The following PPARD variants were observed in gnomAD, a reference collection of about 807,000 sequenced individuals.
PPARD encodes the protein peroxisome proliferator activated receptor delta, also known as peroxisome proliferator-activated receptor delta.
Under a neutral mutation model 39.5 loss-of-function variants are expected in PPARD, and 6 were observed. That is an observed-to-expected ratio of 0.15 (90% CI 0.08 to 0.30). The LOEUF (loss-of-function observed/expected upper bound fraction) is 0.30. Among genes scored for constraint, PPARD ranks in the 10% least tolerant of loss-of-function variants. The pLI is 1.00. For missense variants in PPARD, 397 were observed against 596.8 expected, an observed-to-expected ratio of 0.67 and a Z score of 3.49; for synonymous variants, 210 against 231.3, an observed-to-expected ratio of 0.91 and a Z score of 0.83.
At chr6:35,381,094 C>A (rs1425767298) in intron 2 of PPARD, among the ~76,000 whole-genome samples, 1 of 151,862 alleles carries the variant, frequency 6.6e-6, no homozygotes, top group Non-Finnish European at 1.5e-5. Flanking sequence ...TTTCCTGCTC[C>A]CCTCCTGCCT....
chr6:35,378,685 A>G (rs936826847), intron 2 of PPARD, among the ~76,000 whole-genome samples: 1 of 152,080 alleles, frequency 6.6e-6, no homozygotes, highest in South Asian at 2.1e-4. Flanking sequence ...GGAGTAGGTG[A>G]CTCTGTATGC....
At position 35,424,715 on chromosome 6, in the gene PPARD, C is replaced by G. The variant is rs771764757; in HGVS notation, c.1014C>G (p.Phe338Leu). Residue 338 changes from phenylalanine to leucine, a missense_variant, in exon 7 of 8, where the codon TTC becomes TTG. Physicochemically the swap from Phe to Leu is conservative, Grantham distance 22. Transcript: ENST00000360694. This position sits in a 1 kb window ranked among gnomAD's most constrained non-coding sequence, Gnocchi z 7.1. ...CTAAGTTTGAATTTGCTGTCAAGTT[C>G]AACGCCCTGGAACTTGATGACAGTG... ...IEPKFEFAVK[F>L]NALELDDSDL... 8 of 1,614,272 alleles carry G rather than the reference C, an allele frequency of 5.0e-6. No homozygotes were observed. The South Asian group carries it at 8.8e-5, about 18-fold the overall frequency.
At position 35,427,600 on chromosome 6, in the gene PPARD, C is replaced by G. The variant is rs1419195442; in HGVS notation, c.*1521C>G. 1 of 152,492 alleles carries G rather than the reference C, an allele frequency of 6.6e-6. No individual in the cohort carries two copies. The highest frequency in any genetic ancestry group is 1.9e-4 in the East Asian group (1 of 5,196). The allele number at this position is 152,492 out of a possible 1,614,324, so 9.4% of individuals were successfully genotyped here. ...CCCACACCGCTGGTCCCTGCCCTCCCCTGCTCCCAGGTTGAGGTGCGCTCA... is the reference window on the plus strand; with the variant it reads ...CCCACACCGCTGGTCCCTGCCCTCCGCTGCTCCCAGGTTGAGGTGCGCTCA... On this transcript the variant is annotated 3_prime_UTR_variant, in exon 8 of 8. Transcript: ENST00000360694.
At chr6:35,382,951 C>G (rs1763235054) in intron 2 of PPARD, among the ~76,000 whole-genome samples, 1 of 152,184 alleles carries the variant, frequency 6.6e-6, no homozygotes, top group Admixed American at 6.5e-5. Flanking sequence ...GTAGTGCTAG[C>G]CCACTAGCCC....
chr6:35,393,749 C>G (rs1041456673), intron 2 of PPARD, among the ~76,000 whole-genome samples: 9 of 152,196 alleles, frequency 5.9e-5, no homozygotes, highest in African/African-American at 2.2e-4. Context: ...CTTGTTTTAT[C>G]TGTCCTTTCA....
intron 5 of PPARD, among the ~76,000 whole-genome samples, chr6:35,423,271 A>G (rs1025744863): frequency 1.3e-5 from 2 of 151,126 alleles, no homozygotes; most frequent in African/African-American, 4.9e-5. Context: ...GCACATGCCT[A>G]TAATCCTAGC....
At chr6:35,350,066 T>C (rs933590144) in intron 2 of PPARD, among the ~76,000 whole-genome samples, 1 of 152,198 alleles carries the variant, frequency 6.6e-6, no homozygotes, top group Non-Finnish European at 1.5e-5. Flanking sequence ...TTGAGAAATG[T>C]CTATTAAAAT....
intron 3 of PPARD, among the ~76,000 whole-genome samples, chr6:35,418,619 G>A (rs907413249): frequency 3.3e-5 from 5 of 152,202 alleles, no homozygotes; most frequent in Non-Finnish European, 7.3e-5. Context: ...AGACCAAAGC[G>A]GCTTCACCCT....
chr6:35,365,877 C>G (rs1431944060), intron 2 of PPARD, among the ~76,000 whole-genome samples: 1 of 151,712 alleles, frequency 6.6e-6, no homozygotes, highest in Non-Finnish European at 1.5e-5. Flanking sequence ...ATTTTACACA[C>G]AGATAAACAG....
At position 35,426,476 on chromosome 6, in the gene PPARD, T is replaced by C; in HGVS notation, c.*397T>C. 5.0e-6 allele frequency: 1 copy of C among 201,420 alleles called. No homozygotes were observed. Among genetic ancestry groups the C allele is most frequent in the Non-Finnish European group, 1.0e-5 (1 of 99,092 alleles). 12.5% of individuals were successfully genotyped at this position (201,420 alleles called of 1,614,324 possible). A position where few individuals can be genotyped will look rare whatever the true frequency, so the allele number is the denominator to read the frequency against. On this transcript the variant is annotated 3_prime_UTR_variant, in exon 8 of 8. Transcript: ENST00000360694. Reference sequence around the variant, plus strand: ...AGCAGCATAGAACAGGACCTCTGCTTTTGCACACCTTTTCCCCAGGAGCAG... The same window carrying C: ...AGCAGCATAGAACAGGACCTCTGCTCTTGCACACCTTTTCCCCAGGAGCAG...
At chr6:35,379,192 C>T (rs1762992360) in intron 2 of PPARD, among the ~76,000 whole-genome samples, 1 of 151,766 alleles carries the variant, frequency 6.6e-6, no homozygotes, top group South Asian at 2.1e-4. Context: ...CAACCTACGC[C>T]TCCTGGTTTC....
At chr6:35,343,727 G>A (rs1562160856) in intron 1 of PPARD, among the ~76,000 whole-genome samples, 1 of 152,314 alleles carries the variant, frequency 6.6e-6, no homozygotes, top group South Asian at 2.1e-4. Context: ...GGGGGAGACG[G>A]CGCTGAGCTG....
At chr6:35,416,078 A>G (rs1487692449) in intron 3 of PPARD, among the ~76,000 whole-genome samples, 1 of 152,060 alleles carries the variant, frequency 6.6e-6, no homozygotes, top group Non-Finnish European at 1.5e-5. Flanking sequence ...TGTTAATTGC[A>G]TCTAAAAAAT....
At chr6:35,346,451 C>T (rs959184748) in intron 1 of PPARD, among the ~76,000 whole-genome samples, 2 of 152,198 alleles carry the variant, frequency 1.3e-5, no homozygotes, top group Non-Finnish European at 2.9e-5. Flanking sequence ...ATTGTCAATG[C>T]CATGTCCCAG....
intron 2 of PPARD, among the ~76,000 whole-genome samples, chr6:35,367,222 G>A (rs1377516030): frequency 1.3e-5 from 2 of 152,218 alleles, no homozygotes; most frequent in African/African-American, 4.8e-5. Flanking sequence ...TGAGTGATTT[G>A]GGAACATGGG....
intron 2 of PPARD, among the ~76,000 whole-genome samples, chr6:35,392,668 C>G (rs146494316): frequency 3.3e-5 from 5 of 152,120 alleles, no homozygotes; most frequent in Non-Finnish European, 5.9e-5. Context: ...CCTACGTGCT[C>G]GGGACGCCCC....
Position 35,424,684 on chromosome 6 carries a change from T to C in PPARD, c.983T>C (p.Ile328Thr). Residue 328 changes from isoleucine to threonine, a missense_variant, in exon 7 of 8, where the codon ATT becomes ACT. Ile to Thr is a moderately conservative substitution (Grantham distance 89, BLOSUM62 -1). Transcript: ENST00000360694. This position sits in a 1 kb window ranked among gnomAD's most constrained non-coding sequence, Gnocchi z 7.1. ...RSLRKPFSDI[I>T]EPKFEFAVKF... The stretch of plus-strand genomic sequence containing the variant: ...CTCCGCAAACCCTTCAGTGATATCA[T>C]TGAGCCTAAGTTTGAATTTGCTGTC... 5 of 1,614,220 alleles carry C rather than the reference T, an allele frequency of 3.1e-6. No individual in the cohort carries two copies. The highest frequency in any genetic ancestry group is 4.2e-6 in the Non-Finnish European group (5 of 1,180,038).
In PPARD at chr6:35,412,409, A is replaced by G. The variant is rs1180605275; in HGVS notation, c.130+1192A>G. Among the ~76,000 whole-genome samples the G allele has an allele frequency of 1.3e-5, 2 of 152,222 alleles. No homozygotes were observed. Among genetic ancestry groups the G allele is most frequent in the African/African-American group, 4.8e-5 (2 of 41,464 alleles). On this transcript the variant is annotated intron_variant, in intron 3 of 7. Transcript: ENST00000360694. The surrounding 1 kb of genome is among the most constrained non-coding windows in gnomAD (Gnocchi z 4.1). ...CTTTCAGCTGCAGGAGATCCTAGCC[A>G]CAGGCGGTGACTCAGGCAGAGGAGC...
chr6:35,403,488 G>C (rs955118636), intron 2 of PPARD, among the ~76,000 whole-genome samples: 2 of 151,730 alleles, frequency 1.3e-5, no homozygotes, highest in African/African-American at 4.9e-5. Context: ...TATGAAAACT[G>C]ATACAGTGGC....
Sources: allele counts gnomAD v4.1 joint callset (sites outside exome capture counted in the v4.1 genomes callset), GRCh38; gene constraint gnomAD v4.1.1; non-coding constraint Gnocchi (gnomAD v3.1); transcripts MANE v1.5; gene names NCBI Gene and HGNC (gene_info 2026-07-23, HGNC 2026-07-21).